The following SHISA6 variants were observed in gnomAD, a reference collection of about 807,000 sequenced individuals.
SHISA6 encodes the protein shisa family member 6.
SHISA6 carries 22 observed loss-of-function variants against 47.9 expected under a neutral mutation model. That is an observed-to-expected ratio of 0.46 (90% CI 0.33 to 0.66). The LOEUF (loss-of-function observed/expected upper bound fraction) is 0.66. Ranked by LOEUF, SHISA6 falls within the 30% of genes least tolerant of loss-of-function variation. The pLI is 0.02. For missense variants in SHISA6, 680 were observed against 764.6 expected, an observed-to-expected ratio of 0.89 and a Z score of 1.30; for synonymous variants, 388 against 337.8, an observed-to-expected ratio of 1.15 and a Z score of -1.63.
rs185605543 is a variant in SHISA6, at chr17:11,521,197, C to T, written c.896-30699C>T. Among the ~76,000 whole-genome samples, 133 of 152,306 alleles carry T rather than the reference C, an allele frequency of 8.7e-4. 1 individual carries two copies. Among genetic ancestry groups the T allele is most frequent in the African/African-American group, 3.1e-3 (128 of 41,556 alleles). On this transcript the variant is annotated intron_variant, in intron 3 of 5. Transcript: ENST00000441885. ...CTTTATTAAGATAACTGATCTTAAACACTATTAACCAGTGGATTATATTGT... is the reference window on the plus strand; with the variant it reads ...CTTTATTAAGATAACTGATCTTAAATACTATTAACCAGTGGATTATATTGT...
intron 2 of SHISA6, among the ~76,000 whole-genome samples, chr17:11,287,391 T>C (rs781396999): frequency 9.2e-5 from 14 of 151,746 alleles, no homozygotes; most frequent in Non-Finnish European, 1.9e-4. Context: ...TATTTCAAAA[T>C]TTGCTCTTCC....
At chr17:11,326,899 G>A (rs558366684) in intron 2 of SHISA6, among the ~76,000 whole-genome samples, 6 of 152,290 alleles carry the variant, frequency 3.9e-5, no homozygotes, top group East Asian at 3.9e-4. Context: ...CCGCAGCAAC[G>A]TAGGACTTCA....
chr17:11,342,794 C>T (rs918050707), intron 2 of SHISA6, among the ~76,000 whole-genome samples: 1 of 152,194 alleles, frequency 6.6e-6, no homozygotes, highest in Non-Finnish European at 1.5e-5. Flanking sequence ...TTCAACTTGT[C>T]AGAAGTAGGG....
intron 2 of SHISA6, among the ~76,000 whole-genome samples, chr17:11,333,836 A>T (rs751053956): frequency 1.3e-5 from 2 of 152,148 alleles, no homozygotes; most frequent in Non-Finnish European, 2.9e-5. Flanking sequence ...TGAAAACTCT[A>T]CAAAAACCCC....
chr17:11,403,742 C>T (rs1049832021), intron 3 of SHISA6, among the ~76,000 whole-genome samples: 4 of 152,194 alleles, frequency 2.6e-5, no homozygotes, highest in African/African-American at 4.8e-5. Context: ...CCTGTAGTAC[C>T]TAATTACATA....
intron 3 of SHISA6, among the ~76,000 whole-genome samples, chr17:11,385,933 G>A (rs374348020): frequency 1.2e-3 from 179 of 152,048 alleles, no homozygotes; most frequent in African/African-American, 4.2e-3. Context: ...GTGACCACGA[G>A]ACCGAGGCTC....
chr17:11,399,371 G>A (rs1913685753), intron 3 of SHISA6, among the ~76,000 whole-genome samples: 3 of 152,078 alleles, frequency 2.0e-5, no homozygotes, highest in Admixed American at 6.6e-5. Flanking sequence ...TTGTGTCACT[G>A]ACAAGTATGG....
rs116146015 is a variant in SHISA6, at chr17:11,507,878, A to G, written c.896-44018A>G. ...GTATTTCTCATTGAAACATCTGTTC[A>G]AATTCCATTTAGTGTGAGACTGGCG... On this transcript the variant is annotated intron_variant, in intron 3 of 5. Transcript: ENST00000441885. Among the ~76,000 whole-genome samples, 409 of 152,330 alleles carry G rather than the reference A, an allele frequency of 2.7e-3. 1 individual carries two copies. The highest frequency in any genetic ancestry group is 9.5e-3 in the African/African-American group (393 of 41,566).
intron 2 of SHISA6, among the ~76,000 whole-genome samples, chr17:11,322,536 C>T (rs1435262974): frequency 1.3e-5 from 2 of 152,092 alleles, no homozygotes; most frequent in East Asian, 3.9e-4. Flanking sequence ...TAACTTAGAA[C>T]AGTATGAGAT....
chr17:11,357,043 G>A (rs1912099060), intron 2 of SHISA6, among the ~76,000 whole-genome samples: 2 of 151,922 alleles, frequency 1.3e-5, no homozygotes, highest in African/African-American at 2.4e-5. Flanking sequence ...AAAATAGCTG[G>A]GCGTGGTGGC....
chr17:11,274,864 G>A (rs1004738134), intron 2 of SHISA6, among the ~76,000 whole-genome samples: 4 of 152,252 alleles, frequency 2.6e-5, no homozygotes, highest in African/African-American at 7.2e-5. Flanking sequence ...TTGTGTGGTC[G>A]GAGTGATCAT....
At chr17:11,248,341 C>G (rs955993681) in intron 1 of SHISA6, among the ~76,000 whole-genome samples, 2 of 152,094 alleles carry the variant, frequency 1.3e-5, no homozygotes, top group Admixed American at 6.5e-5. Context: ...CATTTAATCT[C>G]GTTACCTAGT....
At position 11,355,507 on chromosome 17, in the gene SHISA6, C is replaced by G. The variant is rs184268257; in HGVS notation, c.800-23907C>G. Among the ~76,000 whole-genome samples, 103 of 152,302 alleles carry G rather than the reference C, an allele frequency of 6.8e-4. 1 individual carries two copies. Among genetic ancestry groups the G allele is most frequent in the African/African-American group, 2.3e-3 (95 of 41,562 alleles). On this transcript the variant is annotated intron_variant, in intron 2 of 5. Coordinates refer to ENST00000441885, the MANE Select transcript of SHISA6 (RefSeq NM_207386.4). ...TTCTAGAAACCAGCCAGGTGGGAAGCCATTACCACCCCCAGGCCTGATGGA... is the reference window on the plus strand; with the variant it reads ...TTCTAGAAACCAGCCAGGTGGGAAGGCATTACCACCCCCAGGCCTGATGGA...
intron 3 of SHISA6, among the ~76,000 whole-genome samples, chr17:11,390,194 G>A (rs1197570438): frequency 6.6e-6 from 1 of 152,226 alleles, no homozygotes; most frequent in African/African-American, 2.4e-5. Context: ...GTTGTTGGAA[G>A]AAGAAAACTG....
chr17:11,405,218 T>G (rs924889109), intron 3 of SHISA6, among the ~76,000 whole-genome samples: 1 of 152,170 alleles, frequency 6.6e-6, no homozygotes, highest in Non-Finnish European at 1.5e-5. Flanking sequence ...AGATGTCACA[T>G]GCATTTAAAT....
chr17:11,546,397 A>G (rs368798309), intron 3 of SHISA6, among the ~76,000 whole-genome samples: 3 of 152,224 alleles, frequency 2.0e-5, no homozygotes, highest in African/African-American at 7.2e-5. Flanking sequence ...GGACCATTCT[A>G]TGAGAATGAG....
chr17:11,461,136 G>A (rs763633338), intron 3 of SHISA6, among the ~76,000 whole-genome samples: 3 of 152,128 alleles, frequency 2.0e-5, no homozygotes, highest in Non-Finnish European at 4.4e-5. Flanking sequence ...GCAGGCTCAC[G>A]CCTGTAATCC....
At chr17:11,394,677 T>C (rs895311815) in intron 3 of SHISA6, among the ~76,000 whole-genome samples, 2 of 152,194 alleles carry the variant, frequency 1.3e-5, no homozygotes, top group Admixed American at 6.5e-5. Context: ...ACTTTATTTT[T>C]ATTGATTTTT....
intron 3 of SHISA6, among the ~76,000 whole-genome samples, chr17:11,388,079 C>T (rs906503165): frequency 5.9e-5 from 9 of 152,134 alleles, no homozygotes; most frequent in Non-Finnish European, 1.2e-4. Flanking sequence ...TGGGCAAGAA[C>T]CCCAGACCAA....
Sources: allele counts gnomAD v4.1 joint callset (sites outside exome capture counted in the v4.1 genomes callset), GRCh38; gene constraint gnomAD v4.1.1; transcripts MANE v1.5; gene names NCBI Gene and HGNC (gene_info 2026-07-23, HGNC 2026-07-21).